MYO10: variants seen among roughly 807,000 people sequenced by gnomAD.
The protein encoded by MYO10 is myosin X.
MYO10 carries 133 observed loss-of-function variants against 257.3 expected under a neutral mutation model. The observed-to-expected ratio is 0.52, with a 90% CI of 0.45 to 0.60. The LOEUF is 0.60. MYO10 is among the 20% of genes least tolerant of loss of function. The pLI is 0.00. For missense variants in MYO10, 2,399 were observed against 2,635.7 expected (o/e 0.91, Z 1.97); for synonymous variants, 1,104 against 1,028.6 (o/e 1.07, Z -1.40).
At chr5:16,693,268 GTCAA>G (rs1737586466) in intron 27 of MYO10, among the ~76,000 whole-genome samples, 1 of 152,160 alleles carries the variant, frequency 6.6e-6, no homozygotes, top group Non-Finnish European at 1.5e-5. Flanking sequence ...GACCCTGTCA[GTCAA>G]TCAATTGATC....
chr5:16,824,367 GGA>G (rs1742937988), intron 2 of MYO10, among the ~76,000 whole-genome samples: 1 of 152,054 alleles, frequency 6.6e-6, no homozygotes, highest in Admixed American at 6.6e-5. Context: ...AGAATTTGGG[GGA>G]GAGGAGAAGG....
chr5:16,876,645 C>A (rs929914845), intron 2 of MYO10, among the ~76,000 whole-genome samples: 2 of 152,156 alleles, frequency 1.3e-5, no homozygotes, highest in Non-Finnish European at 2.9e-5. Flanking sequence ...ACCTCCGCCT[C>A]GCAGGTTGAA....
chr5:16,823,992 C>T (rs901143388), intron 2 of MYO10, among the ~76,000 whole-genome samples: 8 of 152,146 alleles, frequency 5.3e-5, no homozygotes, highest in African/African-American at 1.9e-4. Flanking sequence ...TGAGAACAAA[C>T]TGTTCTGTTC....
intron 1 of MYO10, among the ~76,000 whole-genome samples, chr5:16,898,356 C>T (rs1745271267): frequency 1.3e-5 from 2 of 151,768 alleles, no homozygotes; most frequent in African/African-American, 4.8e-5. Flanking sequence ...CATAAAAAAA[C>T]ACATCAATGA....
chr5:16,822,786 C>T (rs1357784144), intron 2 of MYO10, among the ~76,000 whole-genome samples: 1 of 151,444 alleles, frequency 6.6e-6, no homozygotes, highest in Non-Finnish European at 1.5e-5. Context: ...CTCCCAGGTT[C>T]AGGCCATTCT....
At chr5:16,781,905 G>C in intron 5 of MYO10, 76 bp from the exon 6 acceptor site, 1 of 1,516,322 alleles carries the variant, frequency 6.6e-7, no homozygotes, top group Non-Finnish European at 9.0e-7. Flanking sequence ...TCTCACAAAT[G>C]TCAAAATATA....
intron 17 of MYO10, among the ~76,000 whole-genome samples, chr5:16,760,814 G>A (rs1291944745): frequency 6.6e-6 from 1 of 152,058 alleles, no homozygotes; most frequent in East Asian, 1.9e-4. Context: ...CTGGTTACCA[G>A]TTGAGAGGTC....
At position 16,921,717 on chromosome 5, in the gene MYO10, T is replaced by C. The variant is rs144369146; in HGVS notation, c.21+14071A>G. ...AGTTTCATCTGTGGCCTTAAGAGTA[T>C]AGACATGATACAGTTGTTCTCAACT... On this transcript the variant is annotated intron_variant, in intron 1 of 40. Coordinates refer to ENST00000513610, the MANE Select transcript of MYO10 (RefSeq NM_012334.3). Among the ~76,000 whole-genome samples the C allele has an allele frequency of 1.2e-3, 176 of 151,754 alleles. 2 individuals carry two copies. In the East Asian group the frequency reaches 0.029, roughly 25 times the overall value.
intron 17 of MYO10, among the ~76,000 whole-genome samples, chr5:16,761,105 T>C (rs760244791): frequency 3.2e-4 from 48 of 151,982 alleles, no homozygotes; most frequent in Admixed American, 2.0e-4. Context: ...ATTCTCCTGT[T>C]TCAGCCTCCC....
intron 19 of MYO10, among the ~76,000 whole-genome samples, chr5:16,749,484 CAAAAA>C (rs5866205): frequency 3.7e-5 from 3 of 80,648 alleles, no homozygotes; most frequent in Admixed American, 1.5e-4. Context: ...GACTCCACCT[CAAAAA>C]AAAAAAAAAA....
chr5:16,925,465 A>G (rs1746106907), intron 1 of MYO10, among the ~76,000 whole-genome samples: 1 of 152,048 alleles, frequency 6.6e-6, no homozygotes. Flanking sequence ...AAGTAAGAGT[A>G]GGTGGTGCAA....
chr5:16,772,201 C>T (rs949976982), intron 9 of MYO10, among the ~76,000 whole-genome samples: 1 of 150,668 alleles, frequency 6.6e-6, no homozygotes, highest in Non-Finnish European at 1.5e-5. Flanking sequence ...GGCATGATCT[C>T]GGCTCACTAC....
chr5:16,924,344 C>T (rs538295078), intron 1 of MYO10, among the ~76,000 whole-genome samples: 7 of 152,200 alleles, frequency 4.6e-5, no homozygotes, highest in South Asian at 4.2e-4. Flanking sequence ...TAACTTCCTC[C>T]GCTAATCAAT....
intron 4 of MYO10, among the ~76,000 whole-genome samples, chr5:16,785,209 C>T (rs747057): frequency 0.014 from 2,199 of 152,298 alleles, 59 homozygotes; most frequent in African/African-American, 0.05. Flanking sequence ...ATTAGGCCAC[C>T]TTTAGTTGGG....
chr5:16,703,589 T>C (rs190816954), intron 22 of MYO10, among the ~76,000 whole-genome samples: 64 of 152,270 alleles, frequency 4.2e-4, no homozygotes, highest in African/African-American at 1.4e-3. Context: ...TGAGGAGAAG[T>C]TGCCTCAGGC....
rs971151041 is a variant in MYO10 at position 16,763,361 on chromosome 5, G to A, written c.1494+120C>T. 11 of 782,606 alleles carry A rather than the reference G, an allele frequency of 1.4e-5. No individual in the cohort carries two copies. The East Asian group carries it at 2.7e-4, about 19-fold the overall frequency. 48.5% of individuals were successfully genotyped at this position (782,606 alleles called of 1,614,324 possible). On this transcript the variant is annotated intron_variant, in intron 14 of 40. Transcript: ENST00000513610. ...CATTTATGTTTCCAAATGGTCCATT[G>A]TGTTCTAAACATTCACATCGTTGAT... is the stretch of plus-strand genomic sequence containing the variant.
chr5:16,924,201 C>A (rs1746067531), intron 1 of MYO10, among the ~76,000 whole-genome samples: 1 of 151,806 alleles, frequency 6.6e-6, no homozygotes, highest in Admixed American at 6.6e-5. Flanking sequence ...AAACGAACAT[C>A]AACAACCACG....
intron 2 of MYO10, among the ~76,000 whole-genome samples, chr5:16,829,314 T>C (rs1188134061): frequency 6.6e-6 from 1 of 152,274 alleles, no homozygotes; most frequent in African/African-American, 2.4e-5. Flanking sequence ...GAATCTTCTC[T>C]ACCTGCTCAT....
chr5:16,776,549 A>G (rs1421887485), intron 9 of MYO10, among the ~76,000 whole-genome samples: 1 of 152,202 alleles, frequency 6.6e-6, no homozygotes, highest in Non-Finnish European at 1.5e-5. Context: ...TATGCTCATT[A>G]TGTCAATTTC....
Sources: allele counts gnomAD v4.1 joint callset (sites outside exome capture counted in the v4.1 genomes callset), GRCh38; gene constraint gnomAD v4.1.1; transcripts MANE v1.5; gene names NCBI Gene and HGNC (gene_info 2026-07-23, HGNC 2026-07-21).